Variants in PKHD1 observed in about 807,000 individuals in gnomAD.
The protein encoded by PKHD1 is fibrocystin.
Under a neutral mutation model 412.0 loss-of-function variants are expected in PKHD1, and 291 were observed. That is an observed-to-expected ratio of 0.71 (90% CI 0.64 to 0.78). PKHD1 has a LOEUF of 0.78. Ranked by LOEUF, PKHD1 falls within the 30% of genes least tolerant of loss-of-function variation. The pLI is 0.00. For missense variants in PKHD1, 4,825 were observed against 4,950.7 expected, an observed-to-expected ratio of 0.97 and a Z score of 0.76; for synonymous variants, 1,777 against 1,821.5, an observed-to-expected ratio of 0.98 and a Z score of 0.62.
At chr6:52,048,706 T>C in intron 22 of PKHD1, 87 bp from the exon 23 acceptor site, 1 of 1,523,406 alleles carries the variant, frequency 6.6e-7, no homozygotes, top group South Asian at 1.1e-5. Flanking sequence ...CTGTCTTGCT[T>C]AGGCTGCAGC....
rs375580511 is a variant in PKHD1 at position 52,025,704 on chromosome 6, C to T, written c.4106G>A (p.Arg1369His). The stretch of plus-strand genomic sequence containing the variant: ...ATTAGCAAATCCCATCTGCTTCTGA[C>T]GTACTTGGAGAGGATAGATGCCAGC... ...LEAGIYPLQV[R>H]QKQMGFANMS... is the part of the protein sequence containing the mutation. The change falls in exon 32 of 67, where the codon CGT becomes CAT. Residue 1369 changes from arginine (R) to histidine (H), a missense_variant. By Grantham distance (29) the Arg-to-His change is conservative. Transcript: ENST00000371117. The T allele has an allele frequency of 2.8e-5, 46 of 1,614,068 alleles. No individual in the cohort carries two copies. The highest frequency in any genetic ancestry group is 1.1e-4 in the South Asian group (10 of 91,082).
chr6:52,049,550 T>G (rs1326567146), intron 22 of PKHD1, among the ~76,000 whole-genome samples: 1 of 152,088 alleles, frequency 6.6e-6, no homozygotes, highest in Non-Finnish European at 1.5e-5. Flanking sequence ...GGGGTTTAGG[T>G]GAAAAATTAA....
intron 49 of PKHD1, among the ~76,000 whole-genome samples, chr6:51,848,743 G>C (rs186260832): frequency 3.3e-5 from 5 of 152,236 alleles, no homozygotes; most frequent in Admixed American, 6.5e-5. Flanking sequence ...CCATGGCAGG[G>C]CTTCTGTCTC....
intron 45 of PKHD1, 118 bp from the exon 46 acceptor site, chr6:51,883,345 C>T: frequency 1.1e-6 from 1 of 929,518 alleles, no homozygotes; most frequent in South Asian, 1.4e-5. Flanking sequence ...TATTAAAGCA[C>T]CTTTTGTCCA....
intron 35 of PKHD1, among the ~76,000 whole-genome samples, chr6:51,963,572 T>A (rs969309085): frequency 6.6e-6 from 1 of 152,146 alleles, no homozygotes; most frequent in Non-Finnish European, 1.5e-5. Context: ...CATGATTACA[T>A]GCACGTTGCC....
At chr6:51,774,748 A>G (rs75522416) in intron 54 of PKHD1, among the ~76,000 whole-genome samples, 6,294 of 151,904 alleles carry the variant, frequency 0.041, 190 homozygotes, top group Middle Eastern at 0.11. Flanking sequence ...TATTAAATTT[A>G]TATCTCATAG....
chr6:51,830,323 C>T (rs566923048), intron 52 of PKHD1, among the ~76,000 whole-genome samples: 4 of 152,140 alleles, frequency 2.6e-5, no homozygotes, highest in Admixed American at 6.5e-5. Context: ...TTTTTTATAA[C>T]GTGTATACTG....
At chr6:51,682,948 TA>T (rs1312704953) in intron 60 of PKHD1, among the ~76,000 whole-genome samples, 2 of 152,064 alleles carry the variant, frequency 1.3e-5, no homozygotes, top group Admixed American at 6.6e-5. Flanking sequence ...TTATTTGTAC[TA>T]ATGTCTGGGA....
At chr6:51,755,926 T>C (rs1786930144) in intron 55 of PKHD1, among the ~76,000 whole-genome samples, 1 of 151,400 alleles carries the variant, frequency 6.6e-6, no homozygotes, top group Non-Finnish European at 1.5e-5. Flanking sequence ...GCCTAGCACA[T>C]ATCTTTAAAG....
In PKHD1 at chr6:51,753,375, G is replaced by GA. The variant is rs756671608; in HGVS notation, c.8798-23dup. On this transcript the variant is annotated intron_variant, in intron 56 of 66. Transcript: ENST00000371117. The stretch of plus-strand genomic sequence containing the variant: ...CTTCCTGGGGCAATAGGAGTTGTGG[G>GA]AAAAAAAAACTTTAAAAACCTGTTT... 5.8e-4 allele frequency: 903 copies of GA among 1,563,494 alleles called. 3 individuals are homozygous for GA. Among genetic ancestry groups the GA allele is most frequent in the East Asian group, 4.7e-3 (206 of 44,098 alleles).
At chr6:51,923,709 G>A (rs773732944) in intron 37 of PKHD1, among the ~76,000 whole-genome samples, 29 of 152,086 alleles carry the variant, frequency 1.9e-4, no homozygotes, top group Non-Finnish European at 3.1e-4. Context: ...GAAAGAAACC[G>A]GTTCTTTGTA....
chr6:51,866,904 T>C (rs1279236955), intron 48 of PKHD1, among the ~76,000 whole-genome samples: 1 of 152,142 alleles, frequency 6.6e-6, no homozygotes, highest in Non-Finnish European at 1.5e-5. Context: ...CTCATTAACG[T>C]CAGGTAGAAT....
intron 52 of PKHD1, among the ~76,000 whole-genome samples, chr6:51,799,114 CT>C (rs920690827): frequency 6.2e-5 from 6 of 96,332 alleles, no homozygotes; most frequent in African/African-American, 1.9e-4. Context: ...TTCTCAGGAC[CT>C]AGAAGAATAA....
At chr6:51,708,754 C>A (rs1192339214) in intron 60 of PKHD1, among the ~76,000 whole-genome samples, 1 of 152,160 alleles carries the variant, frequency 6.6e-6, no homozygotes, top group East Asian at 1.9e-4. Flanking sequence ...TCACTTGCTC[C>A]AAGAAGATTT....
chr6:51,748,188 C>A lies in PKHD1; in HGVS notation c.9428G>T (p.Arg3143Ile). 1 of 1,614,086 alleles carries A rather than the reference C, an allele frequency of 6.2e-7. No homozygotes were observed. The highest frequency in any genetic ancestry group is 8.5e-7 in the Non-Finnish European group (1 of 1,179,970). The change falls in exon 58 of 67, where the codon AGA (arginine) becomes ATA (isoleucine). Residue 3143 changes from arginine to isoleucine, a missense_variant. By Grantham distance (97) the Arg-to-Ile change is moderately conservative. Transcript: ENST00000371117. Reference sequence around the variant, plus strand: ...CTTGAAAGCCAAGAAGCCAGAGATTCTGGTACAGTTGTCAAGTCCACTTTC... The same window carrying A: ...CTTGAAAGCCAAGAAGCCAGAGATTATGGTACAGTTGTCAAGTCCACTTTC... ...YKESGLDNCT[R>I]ISGFLAFKNF...
rs77120987 is a variant in PKHD1, at chr6:51,635,205, C to T, written c.11507-2482G>A. On this transcript the variant is annotated intron_variant, in intron 64 of 66. Coordinates refer to ENST00000371117, the MANE Select transcript of PKHD1 (RefSeq NM_138694.4). ...TCAGCCTCCCAGAGTGCCAGAATTA[C>T]AGGCATGAGCCACCCCGCACAGCCT... Among the ~76,000 whole-genome samples, 8 of 152,252 alleles carry T rather than the reference C, an allele frequency of 5.3e-5. No individual in the cohort carries two copies. The East Asian group carries it at 5.8e-4, about 11-fold the overall frequency.
intron 60 of PKHD1, among the ~76,000 whole-genome samples, chr6:51,702,222 T>TATATATTATAAGTATAATATATA (rs1562129821): frequency 6.8e-6 from 1 of 147,572 alleles, no homozygotes; most frequent in South Asian, 2.1e-4. Context: ...TAATATATTA[T>TATATATTATAAGTATAATATATA]ATATATGTCA....
Position 51,819,023 on chromosome 6 carries a change from T to TTAA in PKHD1, c.8302+11835_8302+11837dup, listed in dbSNP as rs1765942446. On this transcript the variant is annotated intron_variant, in intron 52 of 66. Coordinates refer to ENST00000371117, the MANE Select transcript of PKHD1 (RefSeq NM_138694.4). Reference sequence around the variant, plus strand: ...CAGGGTTTTTTTATTCACAGAAGACTTAATCTTCCTAATACCTGGATACCC... The same window carrying TTAA: ...CAGGGTTTTTTTATTCACAGAAGACTTAATAATCTTCCTAATACCTGGATACCC... Among the ~76,000 whole-genome samples, 3 of 152,212 alleles carry TTAA rather than the reference T, an allele frequency of 2.0e-5. No homozygotes were observed. In the South Asian group the frequency reaches 6.2e-4, roughly 32 times the overall value.
intron 64 of PKHD1, among the ~76,000 whole-genome samples, chr6:51,636,745 G>C (rs544776269): frequency 6.6e-6 from 1 of 152,238 alleles, no homozygotes; most frequent in African/African-American, 2.4e-5. Context: ...TGATGTACTT[G>C]GAAACAAGGA....
Sources: gnomAD v4.1 joint callset for allele counts (sites outside exome capture counted in the v4.1 genomes callset) on GRCh38, gnomAD v4.1.1 for gene constraint, MANE v1.5 for transcripts, NCBI Gene and HGNC (gene_info 2026-07-23, HGNC 2026-07-21) for gene names.